Variants in GASK1A observed in about 807,000 individuals in gnomAD.
GASK1A encodes Golgi-associated kinase 1A.
GASK1A carries 40 observed loss-of-function variants against 41.2 expected under a neutral mutation model. That is an observed-to-expected ratio of 0.97 (90% confidence interval 0.75 to 1.27). GASK1A has a LOEUF of 1.27. Ranked by LOEUF, GASK1A falls within the 50% of genes most tolerant of loss-of-function variation. The pLI, the probability that GASK1A is intolerant of heterozygous loss-of-function variation, is 0.00. For synonymous variants in GASK1A, 316 were observed against 307.1 expected, an observed-to-expected ratio of 1.03 and a Z score of -0.30; for missense variants, 678 against 745.1, an observed-to-expected ratio of 0.91 and a Z score of 1.05.
At chr3:43,005,853 G>T (rs2089433226) in intron 1 of GASK1A, among the ~76,000 whole-genome samples, 1 of 152,216 alleles carries the variant, frequency 6.6e-6, no homozygotes, top group African/African-American at 2.4e-5. Flanking sequence ...GCTTCATTAA[G>T]ATGGAAAAGG....
chr3:42,983,566 A>C (rs2089292304), intron 1 of GASK1A, among the ~76,000 whole-genome samples: 1 of 152,192 alleles, frequency 6.6e-6, no homozygotes. Flanking sequence ...ATGAGAATGT[A>C]GCTCCCCAAA....
At position 43,033,395 on chromosome 3, in the gene GASK1A, C is replaced by G; in HGVS notation, c.1132C>G (p.Leu378Val). Reference protein sequence around the residue: ...VIWWAPDVQHLSDPDEDQNSL... With the variant: ...VIWWAPDVQHVSDPDEDQNSL... ...CTGGTGGGCACCCGATGTGCAGCAC[C>G]TGAGCGACCCAGATGAGGATCAGAA... Residue 378 changes from leucine to valine, a missense_variant, in exon 2 of 5, where the codon CTG becomes GTG. Coordinates refer to ENST00000430121, the MANE Select transcript of GASK1A (RefSeq NM_001129908.3). 1 of 1,551,600 alleles carries G rather than the reference C, an allele frequency of 6.4e-7. No individual in the cohort carries two copies.
At position 43,033,291 on chromosome 3, in the gene GASK1A, G is replaced by T; in HGVS notation, c.1028G>T (p.Ser343Ile). The T allele has an allele frequency of 6.4e-7, 1 of 1,551,474 alleles. No individual in the cohort carries two copies. Among genetic ancestry groups the T allele is most frequent in the South Asian group, 1.2e-5 (1 of 84,040 alleles). ...GATCGTGTGCTGGGGCTGCGCCGGA[G>T]CCTACCTGCTGTGGCCCGCCGCTTC... is the stretch of plus-strand genomic sequence containing the variant. ...HVDRVLGLRR[S>I]LPAVARRFHS... The change falls in exon 2 of 5, where the codon AGC becomes ATC. Residue 343 changes from serine (S) to isoleucine (I), a missense_variant. Transcript: ENST00000430121.
Position 43,043,428 on chromosome 3 carries a change from G to A in GASK1A, c.1290+9875G>A, listed in dbSNP as rs370349626. On this transcript the variant is annotated intron_variant, in intron 2 of 4. Coordinates refer to ENST00000430121, the MANE Select transcript of GASK1A (RefSeq NM_001129908.3). The stretch of plus-strand genomic sequence containing the variant: ...GATGTCCTGTTTGGGAAGTCACAGA[G>A]GCAGTGACCCTACTATATCCTTCAT... Among the ~76,000 whole-genome samples, 12 of 152,318 alleles carry A rather than the reference G, an allele frequency of 7.9e-5. No homozygotes were observed. The East Asian group carries it at 2.3e-3, about 29-fold the overall frequency.
chr3:43,000,243 A>G (rs926502909), intron 1 of GASK1A, among the ~76,000 whole-genome samples: 3 of 89,664 alleles, frequency 3.3e-5, no homozygotes, highest in African/African-American at 7.3e-5. Context: ...CGAGTGTCCA[A>G]TGCTTTCTGA....
In GASK1A at chr3:43,056,181, C is replaced by T; in HGVS notation, c.1523C>T (p.Pro508Leu). 6.5e-7 allele frequency: 1 copy of T among 1,549,570 alleles called. No homozygotes were observed. The highest frequency in any genetic ancestry group is 8.7e-7 in the Non-Finnish European group (1 of 1,145,528). Residue 508 changes from proline (P) to leucine (L), a missense_variant, in exon 5 of 5, where the codon CCT becomes CTT. By Grantham distance (98) the Pro-to-Leu change is moderately conservative (BLOSUM62 -3). Transcript: ENST00000430121. ...CTCTGGGGCCTTTGCTCCAGGTTTC[C>T]TGAGTCTGCCGTGAAGGTTCTCGCA... ...FRLLEGIDGF[P>L]ESAVKVLASG...
intron 1 of GASK1A, among the ~76,000 whole-genome samples, chr3:43,012,561 C>G (rs1016080171): frequency 6.8e-6 from 1 of 146,156 alleles, no homozygotes; most frequent in African/African-American, 2.6e-5. Context: ...CAGGGAAGGG[C>G]AGTGTGGAGC....
intron 2 of GASK1A, among the ~76,000 whole-genome samples, chr3:43,040,532 A>T (rs2089630971): frequency 6.6e-6 from 1 of 151,718 alleles, no homozygotes; most frequent in Non-Finnish European, 1.5e-5. Context: ...GTTTTTGTGG[A>T]TTAATATAGA....
At chr3:43,054,506 CT>C (rs2125693299) in intron 3 of GASK1A, among the ~76,000 whole-genome samples, 1 of 152,226 alleles carries the variant, frequency 6.6e-6, no homozygotes, top group African/African-American at 2.4e-5. Flanking sequence ...AGTCACCTGG[CT>C]TTGAGCAAAA....
At position 43,025,804 on chromosome 3, in the gene GASK1A, C is replaced by A. The variant is rs536455288; in HGVS notation, c.4-6463C>A. On this transcript the variant is annotated intron_variant, in intron 1 of 4. Coordinates refer to ENST00000430121, the MANE Select transcript of GASK1A (RefSeq NM_001129908.3). ...CACTCCTTTCTTCTTAAAAAAGTAC[C>A]ATTGAGGACTGCTGGTGTAAACACG... Among the ~76,000 whole-genome samples, 127 of 152,266 alleles carry A rather than the reference C, an allele frequency of 8.3e-4. 1 individual carries two copies. The highest frequency in any genetic ancestry group is 2.9e-3 in the African/African-American group (121 of 41,554).
At chr3:43,000,597 G>A (rs951084681) in intron 1 of GASK1A, among the ~76,000 whole-genome samples, 2 of 152,218 alleles carry the variant, frequency 1.3e-5, no homozygotes, top group African/African-American at 4.8e-5. Context: ...TCCCTTGGCC[G>A]ACATTGCATA....
chr3:43,010,211 A>G (rs1250311119), intron 1 of GASK1A, among the ~76,000 whole-genome samples: 4 of 152,176 alleles, frequency 2.6e-5, no homozygotes, highest in South Asian at 2.1e-4. Flanking sequence ...GCCGTTATAT[A>G]TAGCAACTCA....
rs1435582415 is a variant in GASK1A at position 42,984,391 on chromosome 3, C to T, written c.3+4746C>T. On this transcript the variant is annotated intron_variant, in intron 1 of 4. Transcript: ENST00000430121. This position sits in a 1 kb window ranked among gnomAD's most constrained non-coding sequence, Gnocchi z 4.2. Reference sequence around the variant, plus strand: ...TCATACACACACATGTGCACGCACACACACACTCACGCATGCACACATACT... The same window carrying T: ...TCATACACACACATGTGCACGCACATACACACTCACGCATGCACACATACT... Among the ~76,000 whole-genome samples the T allele has an allele frequency of 6.6e-6, 1 of 152,190 alleles. No individual in the cohort carries two copies. The highest frequency in any genetic ancestry group is 2.4e-5 in the African/African-American group (1 of 41,436).
chr3:42,980,914 C>T (rs2089279971), intron 1 of GASK1A, among the ~76,000 whole-genome samples: 1 of 152,148 alleles, frequency 6.6e-6, no homozygotes, highest in Admixed American at 6.5e-5. Flanking sequence ...AAGAGTGTTA[C>T]CAGAACTCAG....
chr3:43,047,143 A>G (rs1484675586), intron 2 of GASK1A, among the ~76,000 whole-genome samples: 1 of 152,214 alleles, frequency 6.6e-6, no homozygotes, highest in Non-Finnish European at 1.5e-5. Flanking sequence ...ATCATCCTCC[A>G]GACCCCAGAA....
In GASK1A at chr3:43,033,495, GC is replaced by G. The variant is rs1559405108; in HGVS notation, c.1235del (p.Pro412ArgfsTer85). ...TGCAACTGGCCAGGCCAGGCCCCGT[GC>G]CCGGGCATCCACCATACCGAGTGGG... is the stretch of plus-strand genomic sequence containing the variant. ...HSCNWPGQAP[C>X]PGIHHTEWAR... is the part of the protein sequence containing the mutation. On this transcript the variant is annotated frameshift_variant, in exon 2 of 5. Transcript: ENST00000430121. LOFTEE classifies it high-confidence loss of function. The G allele has an allele frequency of 6.5e-7, 1 of 1,549,952 alleles. No individual in the cohort carries two copies.
rs56195274 is a variant in GASK1A at position 42,985,546 on chromosome 3, C to CGTGTGTGTGT, written c.3+5933_3+5942dup. ...AGTTTATTGAGGCTGCCTGTGCATA[C>CGTGTGTGTGT]GTGTGTGTGTGTGTGTGTGTGTGTG... On this transcript the variant is annotated intron_variant, in intron 1 of 4. Transcript: ENST00000430121. Among the ~76,000 whole-genome samples the CGTGTGTGTGT allele has an allele frequency of 8.0e-3, 1,080 of 134,764 alleles. 13 individuals are homozygous for CGTGTGTGTGT. The highest frequency in any genetic ancestry group is 0.042 in the Admixed American group (573 of 13,524). The allele number at this position is 134,764 out of a possible 152,430, so 88.4% of individuals were successfully genotyped here. A position where few individuals can be genotyped will look rare whatever the true frequency, so the allele number is the denominator to read the frequency against.
At chr3:43,013,012 C>T (rs1486581455) in intron 1 of GASK1A, among the ~76,000 whole-genome samples, 2 of 149,132 alleles carry the variant, frequency 1.3e-5, no homozygotes, top group African/African-American at 5.0e-5. Flanking sequence ...TGTGAAGCCA[C>T]AGGAAGGGGC....
chr3:42,980,886 A>G (rs945929368), intron 1 of GASK1A, among the ~76,000 whole-genome samples: 1 of 152,166 alleles, frequency 6.6e-6, no homozygotes, highest in Admixed American at 6.5e-5. Context: ...TCCTATTACA[A>G]ATTCCCTGTT....
Sources: allele counts gnomAD v4.1 joint callset (sites outside exome capture counted in the v4.1 genomes callset), GRCh38; gene constraint gnomAD v4.1.1; non-coding constraint Gnocchi (gnomAD v3.1); transcripts MANE v1.5; gene names NCBI Gene and HGNC (gene_info 2026-07-23, HGNC 2026-07-21).